GRK5: variants seen among roughly 807,000 people sequenced by gnomAD.
GRK5 encodes the protein g protein-coupled receptor kinase GRK5.
A neutral mutation model predicts 78.4 loss-of-function variants in GRK5; 40 were observed. That is an observed-to-expected ratio of 0.51 (90% CI 0.40 to 0.66). The LOEUF is 0.66. Among genes scored for constraint, GRK5 ranks in the 30% least tolerant of loss-of-function variants. GRK5 has a pLI of 0.00. For missense variants in GRK5, 598 were observed against 759.9 expected (o/e 0.79, Z 2.50); for synonymous variants, 289 against 296.8 (o/e 0.97, Z 0.27).
intron 1 of GRK5, 146 bp from the exon 2 acceptor site, chr10:119,326,370 T>C (rs1203542379): frequency 3.0e-6 from 2 of 656,522 alleles, no homozygotes; most frequent in Non-Finnish European, 5.5e-6. Context: ...TGTGTTTGTG[T>C]GTGTCTTGGG....
At chr10:119,364,337 G>A (rs1027288213) in intron 2 of GRK5, among the ~76,000 whole-genome samples, 6 of 152,208 alleles carry the variant, frequency 3.9e-5, no homozygotes, top group Non-Finnish European at 7.3e-5. Context: ...GAGGTTCAGG[G>A]TATCCTTTTG....
At chr10:119,326,632 G>A (rs1428552435) in intron 2 of GRK5, 21 bp downstream of exon 2, 2 of 1,570,564 alleles carry the variant, frequency 1.3e-6, no homozygotes, top group Middle Eastern at 1.7e-4. Flanking sequence ...CTGCCTGGGG[G>A]CTGTGCGGGG....
intron 3 of GRK5, among the ~76,000 whole-genome samples, chr10:119,393,072 ACCTTT>A (rs1163462806): frequency 6.6e-6 from 1 of 152,162 alleles, no homozygotes; most frequent in East Asian, 1.9e-4. Flanking sequence ...CCACCATGGT[ACCTTT>A]CCTCTGTAGG....
intron 9 of GRK5, 64 bp downstream of exon 9, chr10:119,436,905 A>C: frequency 1.4e-6 from 2 of 1,425,484 alleles, no homozygotes; most frequent in Non-Finnish European, 1.9e-6. Context: ...GCCCCTCCAC[A>C]CCCTCGGGCA....
At chr10:119,313,986 A>G (rs1179636916) in intron 1 of GRK5, among the ~76,000 whole-genome samples, 1 of 152,124 alleles carries the variant, frequency 6.6e-6, no homozygotes, top group Non-Finnish European at 1.5e-5. Flanking sequence ...GGGCCGCCCC[A>G]CGCGCCTCAC....
chr10:119,429,521 A>G (rs1852774144), intron 6 of GRK5, among the ~76,000 whole-genome samples: 1 of 150,396 alleles, frequency 6.6e-6, no homozygotes, highest in African/African-American at 2.5e-5. Flanking sequence ...CTGCACCGTG[A>G]TGTCCTTTAT....
chr10:119,442,268 C>T (rs568313048), intron 11 of GRK5, among the ~76,000 whole-genome samples, 180 bp downstream of exon 11: 45 of 152,338 alleles, frequency 3.0e-4, no homozygotes, highest in African/African-American at 9.9e-4. Flanking sequence ...AGGGGGAGCA[C>T]AGGGGCCCCA....
intron 6 of GRK5, among the ~76,000 whole-genome samples, chr10:119,429,901 CCTG>C (rs1852780635): frequency 6.6e-6 from 1 of 152,148 alleles, no homozygotes; most frequent in African/African-American, 2.4e-5. Context: ...GCACTGTCAT[CCTG>C]CTGGGCAGAC....
chr10:119,343,525 C>T (rs1022599816), intron 2 of GRK5, among the ~76,000 whole-genome samples: 7 of 152,252 alleles, frequency 4.6e-5, no homozygotes, highest in Admixed American at 3.9e-4. Context: ...AGCCTGGATT[C>T]ACACCTGGGC....
chr10:119,441,307 G>A (rs1018730324), intron 10 of GRK5, among the ~76,000 whole-genome samples: 2 of 152,208 alleles, frequency 1.3e-5, no homozygotes, highest in Admixed American at 6.5e-5. Context: ...GGATGGGGGT[G>A]GGGCCCTGGT....
intron 1 of GRK5, among the ~76,000 whole-genome samples, chr10:119,243,304 G>A (rs949586208): frequency 6.6e-6 from 1 of 152,142 alleles, no homozygotes; most frequent in African/African-American, 2.4e-5. Flanking sequence ...CATGTTAGGT[G>A]GCCAGGTCGA....
At chr10:119,390,973 CG>C (rs1851880200) in intron 3 of GRK5, among the ~76,000 whole-genome samples, 1 of 150,932 alleles carries the variant, frequency 6.6e-6, no homozygotes, top group African/African-American at 2.4e-5. Context: ...CCCTCCACCA[CG>C]TGGAGAGATG....
chr10:119,213,366 C>T (rs10736272), intron 1 of GRK5, among the ~76,000 whole-genome samples: 76,921 of 151,778 alleles, frequency 0.51, 19,619 homozygotes, highest in East Asian at 0.66. Context: ...CAAAAATCAG[C>T]GGGGTGTGGT....
chr10:119,416,589 C>CT (rs10542874), intron 4 of GRK5, among the ~76,000 whole-genome samples: 1 of 93,048 alleles, frequency 1.1e-5, no homozygotes, highest in Non-Finnish European at 2.1e-5. Context: ...CTCTCTCTCT[C>CT]TTTTTTTTTT....
chr10:119,292,642 A>T (rs1165827297), intron 1 of GRK5, among the ~76,000 whole-genome samples: 2 of 152,340 alleles, frequency 1.3e-5, no homozygotes, highest in East Asian at 3.9e-4. Context: ...GATTGGTTCC[A>T]GGACCTCCTG....
rs201514575 is a variant in GRK5 at position 119,291,968 on chromosome 10, C to CCTT, written c.53-34545_53-34543dup. On this transcript the variant is annotated intron_variant, in intron 1 of 15. Transcript: ENST00000392870. ...TTTTCCTCCTTCTCCTCCTCTTCCT[C>CCTT]CTTCTCCTCCTCTTCCTCCTTCTTC... Among the ~76,000 whole-genome samples, 66 of 32,894 alleles carry CCTT rather than the reference C, an allele frequency of 2.0e-3. 1 individual carries two copies. The highest frequency in any genetic ancestry group is 3.7e-3 in the Non-Finnish European group (57 of 15,520). The allele number at this position is 32,894 out of a possible 152,430, so 21.6% of individuals were successfully genotyped here.
Position 119,239,548 on chromosome 10 carries a change from A to T in GRK5, c.52+31579A>T, listed in dbSNP as rs537425746. ...ACTGCACTAGGCCTGGTTTATTATTATATTTTAAGTTCTGGGATACATGTG... is the reference window on the plus strand; with the variant it reads ...ACTGCACTAGGCCTGGTTTATTATTTTATTTTAAGTTCTGGGATACATGTG... On this transcript the variant is annotated intron_variant, in intron 1 of 15. Coordinates refer to ENST00000392870, the MANE Select transcript of GRK5 (RefSeq NM_005308.3). Among the ~76,000 whole-genome samples the T allele has an allele frequency of 7.2e-5, 11 of 152,140 alleles. No homozygotes were observed. The East Asian group carries it at 2.1e-3, about 29-fold the overall frequency.
At chr10:119,446,262 A>C (rs1328669561) in intron 12 of GRK5, among the ~76,000 whole-genome samples, 2 of 152,244 alleles carry the variant, frequency 1.3e-5, no homozygotes, top group Non-Finnish European at 2.9e-5. Flanking sequence ...CCAGGGTTTC[A>C]AATGGCAGCA....
chr10:119,301,504 T>C (rs1266134258), intron 1 of GRK5, among the ~76,000 whole-genome samples: 1 of 152,184 alleles, frequency 6.6e-6, no homozygotes, highest in Admixed American at 6.5e-5. Flanking sequence ...GTTCCTCCTG[T>C]TTTATAAGAA....
Sources: gnomAD v4.1 joint callset for allele counts (sites outside exome capture counted in the v4.1 genomes callset) on GRCh38, gnomAD v4.1.1 for gene constraint, MANE v1.5 for transcripts, NCBI Gene and HGNC (gene_info 2026-07-23, HGNC 2026-07-21) for gene names.